TNS3: variants seen among roughly 807,000 people sequenced by gnomAD.
TNS3 encodes the protein tensin-3.
A neutral mutation model predicts 140.9 loss-of-function variants in TNS3; 45 were observed. The ratio of observed to expected loss-of-function variants is 0.32; its 90% confidence interval spans 0.25 to 0.41. TNS3 has a LOEUF of 0.41. Among genes scored for constraint, TNS3 ranks in the 10% least tolerant of loss-of-function variants. The pLI is 1.00. For missense variants in TNS3, 1,716 were observed against 1,906.7 expected, an observed-to-expected ratio of 0.90 and a Z score of 1.86; for synonymous variants, 815 against 788.4, an observed-to-expected ratio of 1.03 and a Z score of -0.56.
chr7:47,468,610 C>T (rs1055918880), intron 4 of TNS3, among the ~76,000 whole-genome samples: 2 of 152,088 alleles, frequency 1.3e-5, no homozygotes, highest in African/African-American at 4.8e-5. Flanking sequence ...AATGGAAAAA[C>T]ATCCCATGCT....
At chr7:47,509,193 AGCCATCG>A (rs750575696) in intron 2 of TNS3, among the ~76,000 whole-genome samples, 51 of 152,246 alleles carry the variant, frequency 3.3e-4, no homozygotes, top group Admixed American at 7.8e-4. Context: ...GCCACCAGAC[AGCCATCG>A]GCACTGTAGG....
intron 10 of TNS3, among the ~76,000 whole-genome samples, chr7:47,420,338 G>A (rs1365762246): frequency 6.6e-6 from 1 of 152,158 alleles, no homozygotes; most frequent in African/African-American, 2.4e-5. Flanking sequence ...GGCAGCTGGT[G>A]CCAGGAGGAG....
chr7:47,437,359 A>AT, intron 6 of TNS3, 46 bp from the exon 7 acceptor site: 3 of 920,266 alleles, frequency 3.3e-6, no homozygotes, highest in Non-Finnish European at 4.4e-6. Context: ...AGATTTTAAT[A>AT]TTTTAAAAAT....
chr7:47,434,912 C>T (rs2151533887), intron 8 of TNS3, among the ~76,000 whole-genome samples: 1 of 152,356 alleles, frequency 6.6e-6, no homozygotes, highest in African/African-American at 2.4e-5. Flanking sequence ...CATGGAAAGT[C>T]TGACACAGTC....
At chr7:47,460,143 G>A (rs1171364978) in intron 4 of TNS3, among the ~76,000 whole-genome samples, 1 of 150,934 alleles carries the variant, frequency 6.6e-6, no homozygotes, top group Non-Finnish European at 1.5e-5. Flanking sequence ...AACCTGAGAG[G>A]CGGAGCTTGC....
intron 2 of TNS3, among the ~76,000 whole-genome samples, chr7:47,513,654 A>G (rs1798681999): frequency 6.6e-6 from 1 of 152,234 alleles, no homozygotes; most frequent in Admixed American, 6.5e-5. Flanking sequence ...ACTTGCAAAA[A>G]CTGAAAAGCT....
intron 1 of TNS3, among the ~76,000 whole-genome samples, chr7:47,562,565 T>C (rs1562858159): frequency 1.3e-5 from 2 of 152,182 alleles, no homozygotes; most frequent in East Asian, 3.9e-4. Context: ...TTTTGTATTT[T>C]AGTAGAGATG....
chr7:47,534,175 G>A (rs1562838901), intron 1 of TNS3, among the ~76,000 whole-genome samples: 1 of 152,050 alleles, frequency 6.6e-6, no homozygotes, highest in Non-Finnish European at 1.5e-5. Flanking sequence ...TCAGGAGGCT[G>A]AGGGAGGAGA....
Position 47,315,057 on chromosome 7 carries a change from C to T in TNS3, c.2651-10054G>A, listed in dbSNP as rs1584381614. Among the ~76,000 whole-genome samples, 11 of 152,340 alleles carry T rather than the reference C, an allele frequency of 7.2e-5. No individual in the cohort carries two copies. In the South Asian group the frequency reaches 2.3e-3, roughly 32 times the overall value. On this transcript the variant is annotated intron_variant, in intron 20 of 30. Transcript: ENST00000311160. Reference sequence around the variant, plus strand: ...AACGTGGGAGGCTCCAGAGGCCACACAGGGATGCTGTTTAGACCGTGTGCA... The same window carrying T: ...AACGTGGGAGGCTCCAGAGGCCACATAGGGATGCTGTTTAGACCGTGTGCA...
chr7:47,452,941 G>C (rs1378367656), intron 4 of TNS3: 1 of 985,360 alleles, frequency 1.0e-6, no homozygotes, highest in South Asian at 4.7e-5. Context: ...ACTGTGCTGG[G>C]CCTGGGCAGG....
intron 2 of TNS3, among the ~76,000 whole-genome samples, chr7:47,528,291 G>C (rs777964109): frequency 1.3e-5 from 2 of 152,176 alleles, no homozygotes; most frequent in Non-Finnish European, 2.9e-5. Flanking sequence ...CCATCTGCTG[G>C]GGGTCTGCAG....
At chr7:47,326,957 G>A (rs1471055108) in intron 20 of TNS3, among the ~76,000 whole-genome samples, 17 of 152,022 alleles carry the variant, frequency 1.1e-4, no homozygotes, top group Admixed American at 1.1e-3. Flanking sequence ...TTTTCCCCTC[G>A]CTCCCTCTTA....
At chr7:47,449,917 T>C (rs1450160361) in intron 4 of TNS3, among the ~76,000 whole-genome samples, 4 of 152,250 alleles carry the variant, frequency 2.6e-5, no homozygotes, top group Non-Finnish European at 4.4e-5. Flanking sequence ...TGGTCTACTT[T>C]ACTGTGCCGA....
At chr7:47,435,485 T>C in intron 7 of TNS3, 81 bp from the exon 8 acceptor site, 2 of 1,583,258 alleles carry the variant, frequency 1.3e-6, no homozygotes, top group South Asian at 2.2e-5. Context: ...TCTTTCATCA[T>C]CAGTACATTT....
At chr7:47,339,956 CATATATATATAT>C (rs35991026) in intron 20 of TNS3, among the ~76,000 whole-genome samples, 1 of 136,502 alleles carries the variant, frequency 7.3e-6, no homozygotes, top group South Asian at 2.5e-4. Context: ...TTATAAGTGG[CATATATATATAT>C]ATATATATAT....
intron 3 of TNS3, among the ~76,000 whole-genome samples, chr7:47,501,899 G>T (rs1049717686): frequency 4.6e-5 from 7 of 152,164 alleles, no homozygotes; most frequent in African/African-American, 1.7e-4. Context: ...TAGAGATGCA[G>T]CCCAAGAGGA....
At chr7:47,320,699 A>T (rs1771174943) in intron 20 of TNS3, among the ~76,000 whole-genome samples, 1 of 152,180 alleles carries the variant, frequency 6.6e-6, no homozygotes, top group African/African-American at 2.4e-5. Flanking sequence ...ACCAGTCACC[A>T]CTGTAAAGGC....
At chr7:47,412,033 C>G (rs1793802411) in intron 12 of TNS3, among the ~76,000 whole-genome samples, 1 of 152,156 alleles carries the variant, frequency 6.6e-6, no homozygotes, top group Non-Finnish European at 1.5e-5. Flanking sequence ...CTTGAAGTGA[C>G]TAAGGTCCAA....
chr7:47,411,880 C>T lies in TNS3; in HGVS notation c.648-78G>A, dbSNP rs974620823. On this transcript the variant is annotated intron_variant, in intron 12 of 30. Coordinates refer to ENST00000311160, the MANE Select transcript of TNS3 (RefSeq NM_022748.12). ...AAGAATACATGTAGAGAAAAGCAAC[C>T]CTACAACCCAAAACTCAGAAATTAC... 5 of 1,371,284 alleles carry T rather than the reference C, an allele frequency of 3.6e-6. No homozygotes were observed. In the African/African-American group the frequency reaches 7.2e-5, roughly 20 times the overall value. 84.9% of individuals were successfully genotyped at this position (1,371,284 alleles called of 1,614,324 possible). A position where few individuals can be genotyped will look rare whatever the true frequency, so the allele number is the denominator to read the frequency against.
Sources: allele counts gnomAD v4.1 joint callset (sites outside exome capture counted in the v4.1 genomes callset), GRCh38; gene constraint gnomAD v4.1.1; transcripts MANE v1.5; gene names NCBI Gene and HGNC (gene_info 2026-07-23, HGNC 2026-07-21).